CLEC19A: variants seen among roughly 807,000 people sequenced by gnomAD.
The protein encoded by CLEC19A is C-type lectin domain family 19 member A.
A neutral mutation model predicts 26.1 loss-of-function variants in CLEC19A; 21 were observed. The observed-to-expected ratio is 0.80, with a 90% CI of 0.57 to 1.16. CLEC19A has a LOEUF of 1.16. Among genes scored for constraint, CLEC19A ranks in the 50% most tolerant of loss-of-function variants. CLEC19A has a pLI of 0.00. For synonymous variants in CLEC19A, 89 were observed against 88.6 expected (o/e 1.00, Z -0.03); for missense variants, 224 against 227.6 (o/e 0.98, Z 0.10).
intron 1 of CLEC19A, among the ~76,000 whole-genome samples, chr16:19,289,188 G>A (rs1055773918): frequency 4.6e-5 from 7 of 152,224 alleles, no homozygotes; most frequent in Non-Finnish European, 1.0e-4. Context: ...AGAGCAGCCC[G>A]GATCCTAAAG....
At chr16:19,290,208 AC>A (rs201069399) in intron 1 of CLEC19A, among the ~76,000 whole-genome samples, 13 of 151,516 alleles carry the variant, frequency 8.6e-5, no homozygotes, top group South Asian at 4.2e-4. Flanking sequence ...AAAGGCTTTG[AC>A]CCCCCACCCC....
intron 1 of CLEC19A, among the ~76,000 whole-genome samples, chr16:19,287,082 A>G (rs1467397791): frequency 7.4e-6 from 1 of 135,934 alleles, no homozygotes; most frequent in Non-Finnish European, 1.5e-5. Context: ...GGATAGTCTT[A>G]GCTCATTTGG....
In CLEC19A at chr16:19,309,222, T is replaced by G; in HGVS notation, c.*139T>G. Reference sequence around the variant, plus strand: ...ACAGAGATTTTAAACAAGCAGATCTTAATTATACAGGGTGGTCACTTGGCC... The same window carrying G: ...ACAGAGATTTTAAACAAGCAGATCTGAATTATACAGGGTGGTCACTTGGCC... On this transcript the variant is annotated 3_prime_UTR_variant, in exon 5 of 5. Coordinates refer to ENST00000636231, the MANE Select transcript of CLEC19A (RefSeq NM_001256720.2). 3.1e-6 allele frequency: 2 copies of G among 655,118 alleles called. No individual in the cohort carries two copies. The highest frequency in any genetic ancestry group is 5.2e-6 in the Non-Finnish European group (2 of 387,978). The allele number at this position is 655,118 out of a possible 1,614,324, so 40.6% of individuals were successfully genotyped here. A position where few individuals can be genotyped will look rare whatever the true frequency, so the allele number is the denominator to read the frequency against.
At chr16:19,296,069 G>T (rs1897699654) in intron 1 of CLEC19A, among the ~76,000 whole-genome samples, 1 of 152,210 alleles carries the variant, frequency 6.6e-6, no homozygotes, top group Non-Finnish European at 1.5e-5. Flanking sequence ...ACATATAGAA[G>T]AGGATTAAGA....
At chr16:19,305,212 C>T (rs1258936799) in intron 3 of CLEC19A, 1 of 152,266 alleles carries the variant, frequency 6.6e-6, no homozygotes, top group Non-Finnish European at 1.5e-5. Context: ...CTGCCACAGC[C>T]CTCCTTAGTA....
chr16:19,303,970 A>G (rs1597088011), intron 2 of CLEC19A, 92 bp from the exon 3 acceptor site: 1 of 1,066,858 alleles, frequency 9.4e-7, no homozygotes, highest in Non-Finnish European at 1.4e-6. Context: ...ACTTTGGTCC[A>G]GGAAGGTAAA....
intron 2 of CLEC19A, among the ~76,000 whole-genome samples, chr16:19,299,902 T>A (rs1597085171): frequency 1.3e-5 from 2 of 152,160 alleles, no homozygotes; most frequent in African/African-American, 4.8e-5. Flanking sequence ...TGGTTTTTTA[T>A]GTGTAGAGCC....
intron 2 of CLEC19A, among the ~76,000 whole-genome samples, chr16:19,303,697 T>C (rs1897883060): frequency 6.6e-6 from 1 of 152,192 alleles, no homozygotes. Flanking sequence ...AGAACAGAAA[T>C]GACTAGTGGA....
intron 1 of CLEC19A, among the ~76,000 whole-genome samples, chr16:19,297,435 TTTCAGG>T (rs2143009676): frequency 6.6e-6 from 1 of 152,324 alleles, no homozygotes; most frequent in South Asian, 2.1e-4. Flanking sequence ...GATAAATTGC[TTTCAGG>T]AGACAATTTA....
At chr16:19,299,044 T>C (rs1897763227) in intron 2 of CLEC19A, among the ~76,000 whole-genome samples, 1 of 152,230 alleles carries the variant, frequency 6.6e-6, no homozygotes, top group African/African-American at 2.4e-5. Flanking sequence ...AGTACTGGGA[T>C]TATAGGCATA....
At chr16:19,299,309 G>A (rs901504579) in intron 2 of CLEC19A, among the ~76,000 whole-genome samples, 1 of 152,222 alleles carries the variant, frequency 6.6e-6, no homozygotes, top group Non-Finnish European at 1.5e-5. Context: ...CACGTTTCAT[G>A]TACATCATGA....
At chr16:19,300,599 A>G (rs1223849331) in intron 2 of CLEC19A, among the ~76,000 whole-genome samples, 4 of 151,976 alleles carry the variant, frequency 2.6e-5, no homozygotes, top group South Asian at 2.1e-4. Flanking sequence ...TTCCAAATGC[A>G]TCTTGAATCC....
At chr16:19,307,181 G>A (rs559159552) in intron 3 of CLEC19A, among the ~76,000 whole-genome samples, 2 of 152,306 alleles carry the variant, frequency 1.3e-5, no homozygotes, top group South Asian at 4.1e-4. Context: ...ATAGACCTGG[G>A]TTTGATTCCC....
rs1897893208 is a variant in CLEC19A, at chr16:19,304,078, T to C, written c.271T>C (p.Phe91Leu). 2.6e-6 allele frequency: 4 copies of C among 1,549,848 alleles called. No individual in the cohort carries two copies. In the South Asian group the frequency reaches 4.8e-5, roughly 18 times the overall value. ...AATTCGCAGCTGGGAGGAGAATGTCTTTGTATATGACCTCGTGAACAGCTG... is the reference window on the plus strand; with the variant it reads ...AATTCGCAGCTGGGAGGAGAATGTCCTTGTATATGACCTCGTGAACAGCTG... ...ASIHSWEENV[F>L]VYDLVNSCVP... Residue 91 changes from phenylalanine (F) to leucine (L), a missense_variant, in exon 3 of 5, where the codon TTT becomes CTT. Coordinates refer to ENST00000636231, the MANE Select transcript of CLEC19A (RefSeq NM_001256720.2).
At chr16:19,291,097 C>T (rs559197893) in intron 1 of CLEC19A, among the ~76,000 whole-genome samples, 136 of 152,336 alleles carry the variant, frequency 8.9e-4, no homozygotes, top group Middle Eastern at 6.8e-3. Flanking sequence ...CCTGCCTTTG[C>T]CTCCCAAAGT....
intron 2 of CLEC19A, among the ~76,000 whole-genome samples, chr16:19,300,069 C>T (rs1431758735): frequency 6.6e-6 from 1 of 151,814 alleles, no homozygotes; most frequent in Non-Finnish European, 1.5e-5. Flanking sequence ...ACTAAAAATA[C>T]AAAAATTAGC....
chr16:19,286,134 C>G (rs1375983876), intron 1 of CLEC19A, among the ~76,000 whole-genome samples, 195 bp downstream of exon 1: 1 of 152,170 alleles, frequency 6.6e-6, no homozygotes, highest in African/African-American at 2.4e-5. Flanking sequence ...GGTTTGAATC[C>G]CAGTTTTGCA....
intron 2 of CLEC19A, among the ~76,000 whole-genome samples, chr16:19,299,880 T>G (rs1360735314): frequency 6.6e-6 from 1 of 152,170 alleles, no homozygotes; most frequent in Non-Finnish European, 1.5e-5. Flanking sequence ...GAAACTACTT[T>G]AGAAAGGGGG....
chr16:19,303,676 G>T (rs179221), intron 2 of CLEC19A, among the ~76,000 whole-genome samples: 8,414 of 152,242 alleles, frequency 0.055, 408 homozygotes, highest in East Asian at 0.27. Context: ...TTTAAGGAGG[G>T]TCTCTGAGAG....
Sources: allele counts gnomAD v4.1 joint callset (sites outside exome capture counted in the v4.1 genomes callset), GRCh38; gene constraint gnomAD v4.1.1; transcripts MANE v1.5; gene names NCBI Gene and HGNC (gene_info 2026-07-23, HGNC 2026-07-21).